The following SDK1 variants were observed in gnomAD, a reference collection of about 807,000 sequenced individuals.
SDK1 encodes the protein sidekick cell adhesion molecule 1.
SDK1 carries 157 observed loss-of-function variants against 245.5 expected under a neutral mutation model. The ratio of observed to expected loss-of-function variants is 0.64; its 90% CI spans 0.56 to 0.73. The LOEUF (loss-of-function observed/expected upper bound fraction) is 0.73, where lower values mean the gene tolerates loss of function less well. SDK1 is among the 30% of genes least tolerant of loss of function. SDK1 has a pLI of 0.00. For synonymous variants in SDK1, 1,647 were observed against 1,278.5 expected (o/e 1.29, Z -6.15); for missense variants, 3,583 against 3,002.3 (o/e 1.19, Z -4.52).
chr7:3,421,997 G>C (rs1235415044), intron 1 of SDK1, among the ~76,000 whole-genome samples: 1 of 152,144 alleles, frequency 6.6e-6, no homozygotes, highest in Non-Finnish European at 1.5e-5. Flanking sequence ...AAGCATAGTT[G>C]ATGAGAGGGG....
chr7:3,326,797 G>T (rs1779951522), intron 1 of SDK1, among the ~76,000 whole-genome samples: 1 of 152,030 alleles, frequency 6.6e-6, no homozygotes, highest in South Asian at 2.1e-4. Flanking sequence ...CATCCCACCT[G>T]TTTTCCTTCT....
intron 4 of SDK1, among the ~76,000 whole-genome samples, chr7:3,709,966 C>G (rs1330118427): frequency 2.0e-5 from 3 of 152,210 alleles, no homozygotes; most frequent in Non-Finnish European, 2.9e-5. Flanking sequence ...AATGTTCTCT[C>G]TGCTTTTATA....
At chr7:3,716,630 C>A (rs1410530923) in intron 4 of SDK1, among the ~76,000 whole-genome samples, 2 of 151,832 alleles carry the variant, frequency 1.3e-5, no homozygotes, top group Non-Finnish European at 2.9e-5. Flanking sequence ...GCGTGGTGCA[C>A]ACCCCTGTAG....
chr7:4,211,056 G>A (rs1026746595), intron 38 of SDK1, among the ~76,000 whole-genome samples: 3 of 152,180 alleles, frequency 2.0e-5, no homozygotes, highest in Non-Finnish European at 4.4e-5. Context: ...GCAGGCCACA[G>A]CACACGGGGC....
intron 5 of SDK1, among the ~76,000 whole-genome samples, chr7:3,919,614 T>C (rs1383546876): frequency 1.3e-5 from 2 of 152,320 alleles, no homozygotes; most frequent in East Asian, 1.9e-4. Context: ...TTGTGCTCCA[T>C]AGAATCTATT....
intron 25 of SDK1, among the ~76,000 whole-genome samples, chr7:4,121,571 A>G (rs116966092): frequency 0.036 from 5,440 of 152,316 alleles, 132 homozygotes; most frequent in Middle Eastern, 0.078. Context: ...TGAGTCAATT[A>G]AACCTCTTTC....
intron 2 of SDK1, among the ~76,000 whole-genome samples, chr7:3,634,553 A>G (rs1270998945): frequency 1.3e-5 from 2 of 152,218 alleles, no homozygotes; most frequent in Admixed American, 6.5e-5. Context: ...AAATAGGAAC[A>G]GGCATTTTCT....
At chr7:3,460,292 A>C (rs1583889641) in intron 1 of SDK1, among the ~76,000 whole-genome samples, 1 of 152,322 alleles carries the variant, frequency 6.6e-6, no homozygotes, top group East Asian at 1.9e-4. Flanking sequence ...GCCTTTCATA[A>C]GGATGCTCTG....
chr7:3,536,704 A>C (rs1457412643), intron 1 of SDK1, among the ~76,000 whole-genome samples: 5 of 151,982 alleles, frequency 3.3e-5, no homozygotes, highest in Non-Finnish European at 4.4e-5. Flanking sequence ...AAAAAAAAAA[A>C]CAAAAACAAA....
intron 5 of SDK1, among the ~76,000 whole-genome samples, chr7:3,889,979 C>T (rs1433063390): frequency 6.6e-6 from 1 of 152,224 alleles, no homozygotes; most frequent in Non-Finnish European, 1.5e-5. Context: ...TGATTGGTTT[C>T]TATCATTTGC....
intron 40 of SDK1, among the ~76,000 whole-genome samples, chr7:4,230,884 A>C (rs1785717984): frequency 6.6e-6 from 1 of 152,204 alleles, no homozygotes; most frequent in African/African-American, 2.4e-5. Context: ...ATTTTCCTCC[A>C]TCCCCTGTCC....
chr7:3,524,008 C>T (rs1027515227), intron 1 of SDK1, among the ~76,000 whole-genome samples: 2 of 152,120 alleles, frequency 1.3e-5, no homozygotes, highest in Non-Finnish European at 2.9e-5. Context: ...GAGTTAGAAG[C>T]CTGTGGTGCC....
rs200104824 is a variant in SDK1 at position 3,906,416 on chromosome 7, CAGAG to C, written c.848-44504_848-44501del. On this transcript the variant is annotated intron_variant, in intron 5 of 44. Coordinates refer to ENST00000404826, the MANE Select transcript of SDK1 (RefSeq NM_152744.4). Reference sequence around the variant, plus strand: ...TGTGTGTGTGAGAGAGAGAGAGAGACAGAGAGCGCGCGAGTGCAGGAGCTCATCT... The same window carrying C: ...TGTGTGTGTGAGAGAGAGAGAGAGACAGCGCGCGAGTGCAGGAGCTCATCT... Among the ~76,000 whole-genome samples the C allele has an allele frequency of 2.0e-3, 290 of 148,172 alleles. No homozygotes were observed. The East Asian group carries it at 0.031, about 16-fold the overall frequency.
intron 22 of SDK1, among the ~76,000 whole-genome samples, chr7:4,094,737 G>A (rs1782038500): frequency 6.6e-6 from 1 of 152,184 alleles, no homozygotes; most frequent in Non-Finnish European, 1.5e-5. Flanking sequence ...GAGAAAGTGA[G>A]GTGTGTCTTT....
intron 44 of SDK1, among the ~76,000 whole-genome samples, chr7:4,261,431 C>G (rs1787996142): frequency 6.6e-6 from 1 of 152,032 alleles, no homozygotes; most frequent in Admixed American, 6.6e-5. Flanking sequence ...AGCTCACACA[C>G]CCTGGGGAAA....
In SDK1 at chr7:4,114,022, C is replaced by T. The variant is rs200389306; in HGVS notation, c.3586-15C>T. ...CTGAGATGTCAGCTCATCGCGACTC[C>T]TCGTTCCTTCCTAGCCCCTGCCGGA... On this transcript the variant is annotated splice_polypyrimidine_tract_variant and intron_variant, in intron 24 of 44. Coordinates refer to ENST00000404826, the MANE Select transcript of SDK1 (RefSeq NM_152744.4). The T allele has an allele frequency of 6.2e-7, 1 of 1,611,538 alleles. No homozygotes were observed. The highest frequency in any genetic ancestry group is 1.3e-5 in the African/African-American group (1 of 75,024).
In SDK1 at chr7:3,650,552, C is replaced by T. The variant is rs192299660; in HGVS notation, c.713+8447C>T. The stretch of plus-strand genomic sequence containing the variant: ...AAATAATGTAGGGTGATTTTATGTA[C>T]CTTGTAGCTAGTTTTCCTGAGTGTT... On this transcript the variant is annotated intron_variant, in intron 4 of 44. Coordinates refer to ENST00000404826, the MANE Select transcript of SDK1 (RefSeq NM_152744.4). 9.9e-5 allele frequency among the ~76,000 whole-genome samples: 15 copies of T among 152,204 alleles called. No homozygotes were observed. The East Asian group carries it at 2.9e-3, about 29-fold the overall frequency.
At chr7:3,636,596 G>A (rs1302125315) in intron 2 of SDK1, among the ~76,000 whole-genome samples, 3 of 151,956 alleles carry the variant, frequency 2.0e-5, no homozygotes, top group African/African-American at 4.8e-5. Flanking sequence ...CTTTTCTTTC[G>A]CCATTCCTCA....
chr7:3,437,935 C>G (rs1025091937), intron 1 of SDK1, among the ~76,000 whole-genome samples: 1 of 152,166 alleles, frequency 6.6e-6, no homozygotes, highest in East Asian at 1.9e-4. Context: ...AATACTCCCC[C>G]TACGTTTGTG....
Sources: gnomAD v4.1 joint callset for allele counts (sites outside exome capture counted in the v4.1 genomes callset) on GRCh38, gnomAD v4.1.1 for gene constraint, MANE v1.5 for transcripts, NCBI Gene and HGNC (gene_info 2026-07-23, HGNC 2026-07-21) for gene names.